The following FHIT variants were observed in gnomAD, a reference collection of about 807,000 sequenced individuals.
The protein encoded by FHIT is fragile histidine triad diadenosine triphosphatase, also known as bis(5'-adenosyl)-triphosphatase.
FHIT carries 19 observed loss-of-function variants against 17.9 expected under a neutral mutation model. The ratio of observed to expected loss-of-function variants is 1.06; its 90% confidence interval spans 0.74 to 1.56. The LOEUF is 1.56. Ranked by LOEUF, FHIT falls within the 40% of genes most tolerant of loss-of-function variation. FHIT has a pLI of 0.00. For synonymous variants in FHIT, 81 were observed against 69.7 expected (o/e 1.16, Z -0.81); for missense variants, 248 against 189.2 (o/e 1.31, Z -1.82).
At chr3:59,888,141 A>G (rs139929982) in intron 8 of FHIT, among the ~76,000 whole-genome samples, 141 of 152,328 alleles carry the variant, frequency 9.3e-4, no homozygotes, top group African/African-American at 3.3e-3. Context: ...GAAGAAAGGA[A>G]GGAGTATGCT....
In FHIT at chr3:60,365,437, T is replaced by C. The variant is rs560844728; in HGVS notation, c.103+171423A>G. ...TTTTAAATTCTATCACAATTCACGT[T>C]TTAAAATAGATCTTAACACCACACA... On this transcript the variant is annotated intron_variant, in intron 5 of 9. Transcript: ENST00000492590. 1.7e-4 allele frequency among the ~76,000 whole-genome samples: 26 copies of C among 152,206 alleles called. No homozygotes were observed. In the East Asian group the frequency reaches 5.0e-3, roughly 29 times the overall value.
chr3:60,797,644 C>G (rs1162546081), intron 4 of FHIT, among the ~76,000 whole-genome samples: 4 of 150,228 alleles, frequency 2.7e-5, no homozygotes, highest in African/African-American at 9.8e-5. Flanking sequence ...TTGATGCTAT[C>G]TTTAAATTTA....
intron 5 of FHIT, among the ~76,000 whole-genome samples, chr3:60,049,245 T>C (rs970748575): frequency 2.0e-5 from 3 of 152,214 alleles, no homozygotes; most frequent in Non-Finnish European, 4.4e-5. Flanking sequence ...CATTATGCTT[T>C]TGAAAACCAC....
chr3:60,241,473 G>A (rs988420692), intron 5 of FHIT, among the ~76,000 whole-genome samples: 24 of 151,956 alleles, frequency 1.6e-4, no homozygotes, highest in African/African-American at 5.8e-4. Flanking sequence ...TTATTTACAT[G>A]CATTTATTAT....
intron 7 of FHIT, among the ~76,000 whole-genome samples, chr3:59,991,485 C>T (rs900107471): frequency 3.3e-5 from 5 of 152,088 alleles, no homozygotes; most frequent in East Asian, 1.9e-4. Context: ...GTATTTATCA[C>T]GTCCTTCTAA....
At chr3:60,760,630 G>A (rs1553719582) in intron 4 of FHIT, among the ~76,000 whole-genome samples, 1 of 152,084 alleles carries the variant, frequency 6.6e-6, no homozygotes, top group Non-Finnish European at 1.5e-5. Flanking sequence ...CCCATGAGGA[G>A]TCAGAAAAGA....
chr3:61,125,903 T>C (rs980389302), intron 2 of FHIT, among the ~76,000 whole-genome samples: 1 of 152,188 alleles, frequency 6.6e-6, no homozygotes, highest in African/African-American at 2.4e-5. Flanking sequence ...ACATATAGAA[T>C]CTTCTCCAGT....
intron 5 of FHIT, among the ~76,000 whole-genome samples, chr3:60,519,436 T>A (rs961868260): frequency 6.6e-6 from 1 of 152,224 alleles, no homozygotes; most frequent in African/African-American, 2.4e-5. Flanking sequence ...CCACTCCCCA[T>A]CTGCATAGTT....
At chr3:60,434,247 C>CA (rs1055024117) in intron 5 of FHIT, among the ~76,000 whole-genome samples, 1 of 152,106 alleles carries the variant, frequency 6.6e-6, no homozygotes, top group Non-Finnish European at 1.5e-5. Context: ...ATCTACCTCT[C>CA]AGCATTTAGA....
At chr3:61,223,171 A>G (rs1208997436) in intron 1 of FHIT, among the ~76,000 whole-genome samples, 3 of 152,176 alleles carry the variant, frequency 2.0e-5, no homozygotes, top group Admixed American at 1.3e-4. Flanking sequence ...AACATCTGAC[A>G]TTTAAACTAT....
chr3:60,770,748 T>G (rs1326702543), intron 4 of FHIT, among the ~76,000 whole-genome samples: 1 of 152,260 alleles, frequency 6.6e-6, no homozygotes, highest in Non-Finnish European at 1.5e-5. Context: ...GGCTGTTTTC[T>G]GACCAGACCA....
At chr3:61,185,629 C>T (rs373849973) in intron 2 of FHIT, among the ~76,000 whole-genome samples, 111 of 152,296 alleles carry the variant, frequency 7.3e-4, no homozygotes, top group South Asian at 1.9e-3. Context: ...AGAGAACACA[C>T]TGCAGCAGGA....
intron 4 of FHIT, among the ~76,000 whole-genome samples, chr3:60,717,889 C>G (rs1347256495): frequency 6.6e-6 from 1 of 152,158 alleles, no homozygotes; most frequent in African/African-American, 2.4e-5. Flanking sequence ...ATCAACTCAA[C>G]AAAAGCTGAA....
At chr3:60,246,267 T>G (rs368491507) in intron 5 of FHIT, among the ~76,000 whole-genome samples, 12 of 152,192 alleles carry the variant, frequency 7.9e-5, no homozygotes, top group Admixed American at 1.3e-4. Flanking sequence ...CAAATATATA[T>G]AGAGAGTTAT....
At chr3:59,846,048 C>G (rs1011829945) in intron 8 of FHIT, among the ~76,000 whole-genome samples, 1 of 152,038 alleles carries the variant, frequency 6.6e-6, no homozygotes, top group African/African-American at 2.4e-5. Flanking sequence ...TTGTCAACCT[C>G]TGTCTATTGA....
At chr3:60,897,747 C>T (rs1407319602) in intron 3 of FHIT, among the ~76,000 whole-genome samples, 5 of 152,114 alleles carry the variant, frequency 3.3e-5, no homozygotes, top group Non-Finnish European at 7.3e-5. Flanking sequence ...CCCCAGGTTT[C>T]CTCAGCAGGC....
chr3:61,213,547 A>C (rs2039561710), intron 1 of FHIT, among the ~76,000 whole-genome samples: 1 of 152,202 alleles, frequency 6.6e-6, no homozygotes, highest in East Asian at 1.9e-4. Flanking sequence ...ACTCCCACAC[A>C]ATAAGAATGG....
chr3:60,099,651 C>G (rs1393158949), intron 5 of FHIT, among the ~76,000 whole-genome samples: 1 of 152,172 alleles, frequency 6.6e-6, no homozygotes, highest in East Asian at 1.9e-4. Flanking sequence ...ACTGGCCTCA[C>G]CCGACATATT....
At chr3:60,396,690 T>G (rs577066793) in intron 5 of FHIT, among the ~76,000 whole-genome samples, 10 of 152,126 alleles carry the variant, frequency 6.6e-5, no homozygotes, top group Non-Finnish European at 1.3e-4. Flanking sequence ...AGGTTTTACT[T>G]TGGGAATGTT....
Sources: allele counts gnomAD v4.1 joint callset (sites outside exome capture counted in the v4.1 genomes callset), GRCh38; gene constraint gnomAD v4.1.1; transcripts MANE v1.5; gene names NCBI Gene and HGNC (gene_info 2026-07-23, HGNC 2026-07-21).